TLK1: variants seen among roughly 807,000 people sequenced by gnomAD.
TLK1 encodes serine/threonine-protein kinase tousled-like 1.
Under a neutral mutation model 105.3 loss-of-function variants are expected in TLK1, and 24 were observed. The observed-to-expected ratio is 0.23, with a 90% confidence interval of 0.17 to 0.32. TLK1 has a LOEUF of 0.32. Ranked by LOEUF, TLK1 falls within the 10% of genes least tolerant of loss-of-function variation. The probability of loss-of-function intolerance (pLI) is 1.00; values close to 1 mark genes in which losing one functional copy is unlikely to be tolerated. For synonymous variants in TLK1, 321 were observed against 310.4 expected (o/e 1.03, Z -0.36); for missense variants, 558 against 910.5 (o/e 0.61, Z 4.98).
intron 3 of TLK1, among the ~76,000 whole-genome samples, chr2:171,080,141 G>C (rs920570622): frequency 2.7e-5 from 4 of 149,046 alleles, no homozygotes; most frequent in Non-Finnish European, 5.9e-5. Context: ...AGTTTGCAGT[G>C]AGACGAGATC....
At chr2:171,126,663 T>C (rs1690879217) in intron 1 of TLK1, among the ~76,000 whole-genome samples, 1 of 152,122 alleles carries the variant, frequency 6.6e-6, no homozygotes, top group Non-Finnish European at 1.5e-5. Context: ...AAGAGCTTTC[T>C]AATAGTAGAT....
chr2:171,088,024 T>C (rs1689059330), intron 2 of TLK1, among the ~76,000 whole-genome samples: 1 of 152,156 alleles, frequency 6.6e-6, no homozygotes, highest in Non-Finnish European at 1.5e-5. Flanking sequence ...CTTAACTAGA[T>C]CATCCTACTG....
rs1312225094 is a variant in TLK1, at chr2:171,015,443, C to G, written c.1237-495G>C. ...ACACACACACACACACACACACACA[C>G]ACACACACACACACACACAAACTGA... On this transcript the variant is annotated intron_variant, in intron 12 of 20. Coordinates refer to ENST00000431350, the MANE Select transcript of TLK1 (RefSeq NM_012290.5). 2.7e-5 allele frequency among the ~76,000 whole-genome samples: 4 copies of G among 150,528 alleles called. No homozygotes were observed. The East Asian group carries it at 7.8e-4, about 29-fold the overall frequency.
intron 1 of TLK1, among the ~76,000 whole-genome samples, chr2:171,202,933 A>G (rs954348031): frequency 1.4e-4 from 22 of 152,134 alleles, no homozygotes; most frequent in Non-Finnish European, 2.1e-4. Context: ...CTGTAGAAGA[A>G]TGGTTTTTAG....
intron 3 of TLK1, chr2:171,066,943 G>C: frequency 3.9e-6 from 6 of 1,543,208 alleles, no homozygotes; most frequent in Admixed American, 2.0e-5. Flanking sequence ...ATTTATTCTG[G>C]AAATGTTGGC....
chr2:171,138,368 T>C (rs1476051565), intron 1 of TLK1, among the ~76,000 whole-genome samples: 1 of 152,194 alleles, frequency 6.6e-6, no homozygotes, highest in Non-Finnish European at 1.5e-5. Flanking sequence ...CTACTATAAA[T>C]TGGTCCTAGC....
rs532493598 is a variant in TLK1, at chr2:171,124,737, C to T, written c.140-6880G>A. The stretch of plus-strand genomic sequence containing the variant: ...TGCTCCGTATGTATTCTATCACCAC[C>T]GCTTGCAGCACATCCTTACAGATTC... On this transcript the variant is annotated intron_variant, in intron 1 of 20. Coordinates refer to ENST00000431350, the MANE Select transcript of TLK1 (RefSeq NM_012290.5). 3.3e-5 allele frequency among the ~76,000 whole-genome samples: 5 copies of T among 152,318 alleles called. No individual in the cohort carries two copies. The South Asian group carries it at 6.2e-4, about 19-fold the overall frequency.
chr2:171,101,346 C>CAAAAAAAAAAA lies in TLK1; in HGVS notation c.258+16382_258+16392dup, dbSNP rs71401403. Among the ~76,000 whole-genome samples, 167 of 63,464 alleles carry CAAAAAAAAAAA rather than the reference C, an allele frequency of 2.6e-3. 15 individuals are homozygous for CAAAAAAAAAAA. Among genetic ancestry groups the CAAAAAAAAAAA allele is most frequent in the African/African-American group, 9.3e-3 (128 of 13,828 alleles). The allele number at this position is 63,464 out of a possible 152,430, so 41.6% of individuals were successfully genotyped here. On this transcript the variant is annotated intron_variant, in intron 2 of 20. Transcript: ENST00000431350. ...GGACAACAAGAGTGAAACTCCGTCT[C>CAAAAAAAAAAA]AAAAAAAAAAAAAAAAAAAGCCAGG...
chr2:171,174,027 C>T (rs188825955), intron 1 of TLK1, among the ~76,000 whole-genome samples: 1 of 152,324 alleles, frequency 6.6e-6, no homozygotes, highest in African/African-American at 2.4e-5. Context: ...ATCCATCCGT[C>T]CTTCTTCCAT....
intron 1 of TLK1, among the ~76,000 whole-genome samples, chr2:171,139,997 G>A (rs1691506008): frequency 6.6e-6 from 1 of 152,200 alleles, no homozygotes; most frequent in South Asian, 2.1e-4. Context: ...ACAGGAGGTG[G>A]AGCTCAGGCG....
rs1217142162 is a variant in TLK1 at position 171,153,821 on chromosome 2, A to T, written c.139+6469T>A. 2.6e-5 allele frequency: 4 copies of T among 152,366 alleles called. No homozygotes were observed. The East Asian group carries it at 7.7e-4, about 29-fold the overall frequency. 9.4% of individuals were successfully genotyped at this position (152,366 alleles called of 1,614,324 possible). A position where few individuals can be genotyped will look rare whatever the true frequency, so the allele number is the denominator to read the frequency against. On this transcript the variant is annotated intron_variant, in intron 1 of 20. Transcript: ENST00000431350. ...TTAATATATTAATAAGTGTTTTACA[A>T]AAAACAAGACTACCTATCACACTAC... is the stretch of plus-strand genomic sequence containing the variant.
At chr2:171,051,141 G>A (rs1004892735) in intron 8 of TLK1, among the ~76,000 whole-genome samples, 1 of 152,134 alleles carries the variant, frequency 6.6e-6, no homozygotes, top group Non-Finnish European at 1.5e-5. Context: ...CACTGTGTGT[G>A]TATGATGCAT....
At position 171,160,821 on chromosome 2, in the gene TLK1, G is replaced by C; in HGVS notation, c.-393C>G. On this transcript the variant is annotated 5_prime_UTR_variant, in exon 1 of 21. Transcript: ENST00000431350. This position sits in a 1 kb window ranked among gnomAD's most constrained non-coding sequence, Gnocchi z 4.4. ...CCTGCCGGCACCTCTGCAGTGCGTC[G>C]GCCCCCGGCGTCGCCCGGGAGGCGG... The C allele has an allele frequency of 5.6e-6, 2 of 354,614 alleles. No individual in the cohort carries two copies. Among genetic ancestry groups the C allele is most frequent in the Non-Finnish European group, 1.0e-5 (2 of 199,220 alleles). The allele number at this position is 354,614 out of a possible 1,614,324, so 22.0% of individuals were successfully genotyped here. A position where few individuals can be genotyped will look rare whatever the true frequency, so the allele number is the denominator to read the frequency against.
chr2:171,153,318 G>A (rs1392154308), intron 1 of TLK1, among the ~76,000 whole-genome samples: 4 of 152,142 alleles, frequency 2.6e-5, no homozygotes, highest in African/African-American at 9.7e-5. Flanking sequence ...GAATTAACAT[G>A]TGCGAACACA....
intron 1 of TLK1, among the ~76,000 whole-genome samples, chr2:171,126,014 T>C (rs1250654816): frequency 6.6e-6 from 1 of 152,130 alleles, no homozygotes; most frequent in African/African-American, 2.4e-5. Context: ...CTATAATCCA[T>C]CAAATTCTTT....
chr2:171,172,611 T>C (rs1692751069), intron 1 of TLK1, among the ~76,000 whole-genome samples: 1 of 152,122 alleles, frequency 6.6e-6, no homozygotes, highest in South Asian at 2.1e-4. Flanking sequence ...CGTGCTGTTC[T>C]TGTGATAGTG....
At chr2:171,025,596 A>T (rs1413879520) in intron 12 of TLK1, among the ~76,000 whole-genome samples, 1 of 152,164 alleles carries the variant, frequency 6.6e-6, no homozygotes, top group Non-Finnish European at 1.5e-5. Context: ...GAAGCTGTAT[A>T]TTTACAAGTC....
intron 18 of TLK1, among the ~76,000 whole-genome samples, chr2:171,002,366 C>T (rs1684421293): frequency 6.6e-6 from 1 of 152,088 alleles, no homozygotes; most frequent in African/African-American, 2.4e-5. Context: ...TCATGCCATT[C>T]TCCTGCCTCA....
chr2:171,030,770 T>C (rs777152305), intron 11 of TLK1, among the ~76,000 whole-genome samples: 20 of 152,208 alleles, frequency 1.3e-4, no homozygotes, highest in South Asian at 2.1e-4. Context: ...ATAGAAATTC[T>C]GTACTTTGAT....
Sources: allele counts gnomAD v4.1 joint callset (sites outside exome capture counted in the v4.1 genomes callset), GRCh38; gene constraint gnomAD v4.1.1; non-coding constraint Gnocchi (gnomAD v3.1); transcripts MANE v1.5; gene names NCBI Gene and HGNC (gene_info 2026-07-23, HGNC 2026-07-21).